CASP10: variants seen among roughly 807,000 people sequenced by gnomAD.
CASP10 encodes caspase 10.
CASP10 carries 41 observed loss-of-function variants against 48.5 expected under a neutral mutation model. The observed-to-expected ratio is 0.85, with a 90% CI of 0.66 to 1.10. The LOEUF (loss-of-function observed/expected upper bound fraction) is 1.10. Ranked by LOEUF, CASP10 falls within the 50% of genes least tolerant of loss-of-function variation. The probability of loss-of-function intolerance (pLI) is 0.00; values close to 1 mark genes in which losing one functional copy is unlikely to be tolerated. For synonymous variants in CASP10, 232 were observed against 238.4 expected, an observed-to-expected ratio of 0.97 and a Z score of 0.25; for missense variants, 614 against 614.5, an observed-to-expected ratio of 1.00 and a Z score of 0.01.
rs1180332157 is a variant in CASP10, at chr2:201,211,962, AT to A, written c.1415+2409del. Among the ~76,000 whole-genome samples the A allele has an allele frequency of 6.7e-5, 10 of 150,294 alleles. No homozygotes were observed. The East Asian group carries it at 2.0e-3, about 29-fold the overall frequency. ...CTGTGGGTTTTTTATTTTTATTTTT[AT>A]TTTTTTTTAGACAACATCTTGCTCT... is the stretch of plus-strand genomic sequence containing the variant. On this transcript the variant is annotated intron_variant, in intron 9 of 9. Transcript: ENST00000286186.
chr2:201,190,661 T>C (rs1320181390), intron 3 of CASP10, among the ~76,000 whole-genome samples: 3 of 152,098 alleles, frequency 2.0e-5, no homozygotes, highest in Admixed American at 6.6e-5. Context: ...CCCCGTCCTA[T>C]GTTAGGGACT....
In CASP10 at chr2:201,219,012, G is replaced by C. The variant is rs906569012; in HGVS notation, c.*1271G>C. 38 of 981,446 alleles carry C rather than the reference G, an allele frequency of 3.9e-5. No individual in the cohort carries two copies. In the African/African-American group the frequency reaches 4.9e-4, roughly 13 times the overall value. 60.8% of individuals were successfully genotyped at this position (981,446 alleles called of 1,614,324 possible). On this transcript the variant is annotated 3_prime_UTR_variant, in exon 10 of 10. Transcript: ENST00000286186. Reference sequence around the variant, plus strand: ...GGACTGGGTGCGGTGACTCATGCCTGTAATCCCAGTACTCTGGGAAGCCAA... The same window carrying C: ...GGACTGGGTGCGGTGACTCATGCCTCTAATCCCAGTACTCTGGGAAGCCAA...
chr2:201,207,993 G>A, intron 7 of CASP10, 82 bp from the exon 8 acceptor site: 9 of 886,704 alleles, frequency 1.0e-5, no homozygotes, highest in Non-Finnish European at 1.7e-5. Flanking sequence ...TCCTCACAGT[G>A]GATCCATTGG....
chr2:201,202,959 T>A (rs889622672), intron 5 of CASP10, among the ~76,000 whole-genome samples: 2 of 152,194 alleles, frequency 1.3e-5, no homozygotes, highest in Non-Finnish European at 2.9e-5. Context: ...TTTTGATTTA[T>A]CTTATTACTT....
At chr2:201,212,063 C>T (rs1945414256) in intron 9 of CASP10, among the ~76,000 whole-genome samples, 1 of 152,156 alleles carries the variant, frequency 6.6e-6, no homozygotes, top group African/African-American at 2.4e-5. Context: ...ATTCTTCTGC[C>T]TCAGTCTCCC....
chr2:201,187,058 G>A (rs41339752), intron 2 of CASP10, among the ~76,000 whole-genome samples: 4,033 of 152,286 alleles, frequency 0.026, 67 homozygotes, highest in Non-Finnish European at 0.038. Flanking sequence ...GGAGCCTTTG[G>A]AGGGTGTTTT....
chr2:201,187,826 G>C (rs762763066), intron 3 of CASP10, 27 bp downstream of exon 3: 4 of 1,474,588 alleles, frequency 2.7e-6, no homozygotes, highest in Middle Eastern at 1.7e-4. Context: ...GAATGGGTCT[G>C]TGTGAGCACT....
At chr2:201,212,153 T>G (rs757004664) in intron 9 of CASP10, 1 of 152,228 alleles carries the variant, frequency 6.6e-6, no homozygotes, top group Non-Finnish European at 1.5e-5. Context: ...TTTACCACGT[T>G]GGCCAGGCTG....
chr2:201,207,809 A>G (rs559197059), intron 7 of CASP10, among the ~76,000 whole-genome samples: 2 of 151,796 alleles, frequency 1.3e-5, no homozygotes, highest in African/African-American at 4.8e-5. Flanking sequence ...AGGCAGGTGG[A>G]TCCCTTGAAT....
At position 201,209,271 on chromosome 2, in the gene CASP10, G is replaced by C. The variant is rs375798142; in HGVS notation, c.1124G>C (p.Arg375Pro). ...TCGGATGAGGCCCTCATTCCCATTC[G>C]GGAGATCATGTCTCACTTCACAGCC... ...YSSDEALIPI[R>P]EIMSHFTALQ... The change falls in exon 9 of 10, where the codon CGG (arginine) becomes CCG (proline). Residue 375 changes from arginine (R) to proline (P), a missense_variant. Arg to Pro is a moderately radical substitution (Grantham distance 103). Coordinates refer to ENST00000286186, the MANE Select transcript of CASP10 (RefSeq NM_032977.4). The C allele has an allele frequency of 6.2e-7, 1 of 1,613,964 alleles. No individual in the cohort carries two copies. The highest frequency in any genetic ancestry group is 1.1e-5 in the South Asian group (1 of 91,078).
At position 201,209,310 on chromosome 2, in the gene CASP10, G is replaced by A. The variant is rs773602138; in HGVS notation, c.1163G>A (p.Arg388Lys). The A allele has an allele frequency of 3.7e-6, 6 of 1,614,078 alleles. No homozygotes were observed. The highest frequency in any genetic ancestry group is 5.1e-6 in the Non-Finnish European group (6 of 1,180,022). Residue 388 changes from arginine to lysine, a missense_variant, in exon 9 of 10, where the codon AGA (arginine) becomes AAA (lysine). Transcript: ENST00000286186. ...CACTTCACAGCCCTGCAGTGCCCTA[G>A]ACTGGCTGAAAAACCTAAACTCTTT... is the stretch of plus-strand genomic sequence containing the variant. ...MSHFTALQCPRLAEKPKLFFI... is the reference protein window; with the variant it reads ...MSHFTALQCPKLAEKPKLFFI...
chr2:201,189,028 G>T (rs1392477676), intron 3 of CASP10, among the ~76,000 whole-genome samples: 2 of 151,388 alleles, frequency 1.3e-5, no homozygotes, highest in Non-Finnish European at 2.9e-5. Context: ...CTGCCACTAC[G>T]CCTGGCTAAC....
intron 9 of CASP10, among the ~76,000 whole-genome samples, chr2:201,211,123 G>A (rs1238340194): frequency 2.0e-5 from 3 of 152,218 alleles, no homozygotes; most frequent in Admixed American, 6.5e-5. Flanking sequence ...TAGCTATTTT[G>A]TAATATACAA....
exon 10 of CASP10, chr2:201,229,377 A>C (rs1945832076): frequency 6.4e-6 from 3 of 468,984 alleles, no homozygotes; most frequent in South Asian, 2.3e-5. Context: ...GGGAAAAGTG[A>C]ATTTCACACT....
chr2:201,183,757 T>C (rs1173263878), intron 1 of CASP10, among the ~76,000 whole-genome samples: 5 of 152,220 alleles, frequency 3.3e-5, no homozygotes, highest in Admixed American at 1.3e-4. Flanking sequence ...AGAAATTCAA[T>C]TGGAAGCCCA....
chr2:201,208,973 C>T lies in CASP10; in HGVS notation c.923-97C>T, dbSNP rs529707352. ...GATTATAGGTGTGAGCCACTGTGCC[C>T]GGCCTTGTTTCAGTTCTTCATTTTG... On this transcript the variant is annotated intron_variant, in intron 8 of 9. Transcript: ENST00000286186. The T allele has an allele frequency of 4.9e-5, 68 of 1,377,174 alleles. 1 individual carries two copies. The South Asian group carries it at 6.3e-4, about 13-fold the overall frequency. The allele number at this position is 1,377,174 out of a possible 1,614,324, so 85.3% of individuals were successfully genotyped here. A position where few individuals can be genotyped will look rare whatever the true frequency, so the allele number is the denominator to read the frequency against.
intron 9 of CASP10, chr2:201,212,151 G>T (rs553179801): frequency 2.6e-5 from 4 of 152,186 alleles, no homozygotes; most frequent in Non-Finnish European, 5.9e-5. Flanking sequence ...GTTTTACCAC[G>T]TTGGCCAGGC....
intron 5 of CASP10, among the ~76,000 whole-genome samples, chr2:201,202,990 ATCT>A (rs1559304362): frequency 1.3e-5 from 2 of 152,172 alleles, no homozygotes; most frequent in Non-Finnish European, 2.9e-5. Flanking sequence ...TCCAACGTAT[ATCT>A]TCCCTTTATT....
intron 5 of CASP10, among the ~76,000 whole-genome samples, chr2:201,197,772 G>A (rs1331617167): frequency 6.6e-6 from 1 of 152,198 alleles, no homozygotes; most frequent in Non-Finnish European, 1.5e-5. Context: ...GGACTCTTGG[G>A]CTGCTGCCAC....
Sources: allele counts gnomAD v4.1 joint callset (sites outside exome capture counted in the v4.1 genomes callset), GRCh38; gene constraint gnomAD v4.1.1; transcripts MANE v1.5; gene names NCBI Gene and HGNC (gene_info 2026-07-23, HGNC 2026-07-21).